RAP1GAP: variants seen among roughly 807,000 people sequenced by gnomAD.
RAP1GAP encodes the protein rap1 GTPase-activating protein 1.
A neutral mutation model predicts 87.2 loss-of-function variants in RAP1GAP; 35 were observed. That is an observed-to-expected ratio of 0.40 (90% confidence interval 0.31 to 0.53). RAP1GAP has a LOEUF of 0.53. RAP1GAP is among the 20% of genes least tolerant of loss of function. RAP1GAP has a pLI of 0.48. For missense variants in RAP1GAP, 734 were observed against 898.9 expected (o/e 0.82, Z 2.35); for synonymous variants, 375 against 363.9 (o/e 1.03, Z -0.35).
At chr1:21,656,599 G>A (rs932161739) in intron 1 of RAP1GAP, among the ~76,000 whole-genome samples, 16 of 152,192 alleles carry the variant, frequency 1.1e-4, no homozygotes, top group Non-Finnish European at 2.9e-5. Context: ...TCTCCTGGGG[G>A]TTCCCCAGCC....
At chr1:21,661,063 C>G (rs145323571) in intron 1 of RAP1GAP, among the ~76,000 whole-genome samples, 3 of 152,198 alleles carry the variant, frequency 2.0e-5, no homozygotes, top group African/African-American at 7.2e-5. Flanking sequence ...AACAGCCTGG[C>G]CAATATGGCA....
At position 21,602,860 on chromosome 1, in the gene RAP1GAP, G is replaced by A; in HGVS notation, c.1482C>T (p.Gly494=). ...SPTRKKSGPF[G]SRRSSAIGIE... is the part of the protein sequence containing the mutation. ...TGCCAATGGCGCTGCTGCGGCGGGA[G>A]CCGAACGGGCCCGACTTCTTCCTCG... Residue 494 remains glycine (G), a synonymous_variant, in exon 19 of 25, where the codon GGC becomes GGT. Coordinates refer to ENST00000374765, the MANE Select transcript of RAP1GAP (RefSeq NM_002885.4). 2 of 1,609,754 alleles carry A rather than the reference G, an allele frequency of 1.2e-6. No homozygotes were observed. Among genetic ancestry groups the A allele is most frequent in the Non-Finnish European group, 1.7e-6 (2 of 1,179,680 alleles).
intron 2 of RAP1GAP, among the ~76,000 whole-genome samples, chr1:21,631,618 G>A (rs901584745): frequency 3.3e-5 from 5 of 152,096 alleles, no homozygotes; most frequent in Admixed American, 6.5e-5. Flanking sequence ...CCCAGGAGGC[G>A]GAGGTTGCAG....
rs748883142 is a variant in RAP1GAP, at chr1:21,603,709, C to T, written c.1429-796G>A. ...CATCGGAGCTGCCGCCACTCCATCC[C>T]GCACGCCCTGGGGCCTGTCCCGGGG... is the stretch of plus-strand genomic sequence containing the variant. On this transcript the variant is annotated intron_variant, in intron 18 of 24. Transcript: ENST00000374765. The surrounding 1 kb of genome is among the most constrained non-coding windows in gnomAD (Gnocchi z 6.0). 14 of 1,061,750 alleles carry T rather than the reference C, an allele frequency of 1.3e-5. No individual in the cohort carries two copies. The highest frequency in any genetic ancestry group is 2.0e-4 in the Middle Eastern group (1 of 5,020). The allele number at this position is 1,061,750 out of a possible 1,614,324, so 65.8% of individuals were successfully genotyped here.
intron 20 of RAP1GAP, among the ~76,000 whole-genome samples, chr1:21,601,010 C>T (rs2067922998): frequency 7.2e-6 from 1 of 139,796 alleles, no homozygotes; most frequent in Non-Finnish European, 1.5e-5. Flanking sequence ...CAGGCCCAGC[C>T]CCTCAGATAC....
intron 3 of RAP1GAP, among the ~76,000 whole-genome samples, chr1:21,621,833 T>C (rs896690544): frequency 6.6e-6 from 1 of 152,132 alleles, no homozygotes; most frequent in African/African-American, 2.4e-5. Context: ...ATACACCTTG[T>C]TGCATTGGGA....
At position 21,634,073 on chromosome 1, in the gene RAP1GAP, G is replaced by C. The variant is rs76231963; in HGVS notation, c.-112-7676C>G. Among the ~76,000 whole-genome samples, 11 of 135,316 alleles carry C rather than the reference G, an allele frequency of 8.1e-5. No individual in the cohort carries two copies. Among genetic ancestry groups the C allele is most frequent in the Admixed American group, 5.8e-4 (8 of 13,714 alleles). The allele number at this position is 135,316 out of a possible 152,430, so 88.8% of individuals were successfully genotyped here. ...TGCCCCCTCCCGGGGGGGGGGGGGG[G>C]CCACAGAAGCCCATTGTTTTCTGAG... On this transcript the variant is annotated intron_variant, in intron 2 of 24. Coordinates refer to ENST00000374765, the MANE Select transcript of RAP1GAP (RefSeq NM_002885.4). This position sits in a 1 kb window ranked among gnomAD's most constrained non-coding sequence, Gnocchi z 4.1.
In RAP1GAP at chr1:21,602,885, G is replaced by T; in HGVS notation, c.1457C>A (p.Thr486Lys). ...GCCGAACGGGCCCGACTTCTTCCTC[G>T]TGGGGCTCTTCCCAGGGACAATCAG... ...ISLIVPGKSP[T>K]RKKSGPFGSR... Residue 486 changes from threonine to lysine, a missense_variant, in exon 19 of 25, where the codon ACG becomes AAG. Physicochemically the swap from Thr to Lys is moderately conservative, Grantham distance 78. Coordinates refer to ENST00000374765, the MANE Select transcript of RAP1GAP (RefSeq NM_002885.4). The T allele has an allele frequency of 1.2e-6, 2 of 1,610,030 alleles. No homozygotes were observed. Among genetic ancestry groups the T allele is most frequent in the Non-Finnish European group, 8.5e-7 (1 of 1,179,544 alleles).
chr1:21,644,073 C>G (rs950895107), intron 2 of RAP1GAP, among the ~76,000 whole-genome samples: 7 of 152,174 alleles, frequency 4.6e-5, no homozygotes, highest in African/African-American at 1.7e-4. Context: ...TTCTCAAGAT[C>G]ACACAGCCAA....
intron 4 of RAP1GAP, among the ~76,000 whole-genome samples, chr1:21,619,301 G>T (rs1169070011): frequency 6.6e-6 from 1 of 152,140 alleles, no homozygotes; most frequent in Non-Finnish European, 1.5e-5. Context: ...TGGGGACTCT[G>T]CGGGAACGCA....
chr1:21,617,169 G>A, intron 7 of RAP1GAP, 137 bp downstream of exon 7: 1 of 947,194 alleles, frequency 1.1e-6, no homozygotes. Context: ...TGTGTGTGGT[G>A]GGAGCACATT....
intron 7 of RAP1GAP, among the ~76,000 whole-genome samples, chr1:21,616,795 T>C (rs2082451256): frequency 6.6e-6 from 1 of 152,258 alleles, no homozygotes; most frequent in African/African-American, 2.4e-5. Flanking sequence ...TGTTGGCTGC[T>C]GTATACCTGG....
At chr1:21,649,276 G>A (rs565205218) in intron 2 of RAP1GAP, among the ~76,000 whole-genome samples, 167 of 152,206 alleles carry the variant, frequency 1.1e-3, no homozygotes, top group African/African-American at 3.7e-3. Context: ...GAGGGCTGTC[G>A]GGGGGAGTAA....
chr1:21,605,603 G>C (rs79517437), intron 18 of RAP1GAP, among the ~76,000 whole-genome samples: 2,035 of 151,904 alleles, frequency 0.013, 50 homozygotes, highest in African/African-American at 0.045. Flanking sequence ...GATGCTCACA[G>C]AGTGCATGTC....
At chr1:21,643,535 C>T (rs939209153) in intron 2 of RAP1GAP, among the ~76,000 whole-genome samples, 11 of 128,054 alleles carry the variant, frequency 8.6e-5, no homozygotes, top group South Asian at 2.4e-4. Flanking sequence ...CCAGCCTGGG[C>T]GAGACAGCAA....
intron 1 of RAP1GAP, among the ~76,000 whole-genome samples, chr1:21,664,082 G>A (rs150270083): frequency 0.027 from 4,088 of 152,314 alleles, 71 homozygotes; most frequent in Middle Eastern, 0.044. Flanking sequence ...AGCTCACCCA[G>A]CTAGTGGGGT....
Position 21,641,823 on chromosome 1 carries a change from G to A in RAP1GAP, c.-113+7938C>T, listed in dbSNP as rs563339896. On this transcript the variant is annotated intron_variant, in intron 2 of 24. Coordinates refer to ENST00000374765, the MANE Select transcript of RAP1GAP (RefSeq NM_002885.4). ...CACTAGAACCCCAGCACATCAGAGTGTATCACAGCCAACCTTCCCATTTCA... is the reference window on the plus strand; with the variant it reads ...CACTAGAACCCCAGCACATCAGAGTATATCACAGCCAACCTTCCCATTTCA... Among the ~76,000 whole-genome samples the A allele has an allele frequency of 3.3e-5, 5 of 152,326 alleles. No individual in the cohort carries two copies. In the South Asian group the frequency reaches 1.0e-3, roughly 32 times the overall value.
At chr1:21,598,641 G>A in intron 21 of RAP1GAP, 139 bp from the exon 22 acceptor site, 1 of 709,840 alleles carries the variant, frequency 1.4e-6, no homozygotes. Context: ...GCCTAGCCAT[G>A]TCTGCCCCAG....
chr1:21,617,520 C>T, intron 6 of RAP1GAP, 29 bp from the exon 7 acceptor site: 1 of 1,568,398 alleles, frequency 6.4e-7, no homozygotes, highest in African/African-American at 1.3e-5. Context: ...GAGAGCCACC[C>T]CACACTGTAC....
Sources: gnomAD v4.1 joint callset for allele counts (sites outside exome capture counted in the v4.1 genomes callset) on GRCh38, gnomAD v4.1.1 for gene constraint, Gnocchi (gnomAD v3.1) non-coding constraint, MANE v1.5 for transcripts, NCBI Gene and HGNC (gene_info 2026-07-23, HGNC 2026-07-21) for gene names.